Variants in STAB2 observed in about 807,000 individuals in gnomAD.
STAB2 encodes stabilin 2.
Under a neutral mutation model 338.1 loss-of-function variants are expected in STAB2, and 288 were observed. The observed-to-expected ratio is 0.85, with a 90% CI of 0.77 to 0.94. STAB2 has a LOEUF of 0.94. Ranked by LOEUF, STAB2 falls within the 40% of genes least tolerant of loss-of-function variation. The pLI, the probability that STAB2 is intolerant of heterozygous loss-of-function variation, is 0.00. For missense variants in STAB2, 3,141 were observed against 3,210.1 expected (o/e 0.98, Z 0.52); for synonymous variants, 1,202 against 1,193.3 (o/e 1.01, Z -0.15).
Position 103,666,285 on chromosome 12 carries a change from C to G in STAB2, c.2023-6C>G, listed in dbSNP as rs1875091945. 1 of 1,613,842 alleles carries G rather than the reference C, an allele frequency of 6.2e-7. No homozygotes were observed. Among genetic ancestry groups the G allele is most frequent in the Admixed American group, 1.7e-5 (1 of 60,008 alleles). On this transcript the variant is annotated splice_region_variant and splice_polypyrimidine_tract_variant and intron_variant, in intron 18 of 68. Transcript: ENST00000388887. Reference sequence around the variant, plus strand: ...ACCTGCACTGACCTCCTGTCTCTCCCTCCAGGGCACTTGTGTGAGCTGTTC... The same window carrying G: ...ACCTGCACTGACCTCCTGTCTCTCCGTCCAGGGCACTTGTGTGAGCTGTTC...
chr12:103,765,822 G>A (rs542643523), intron 68 of STAB2, among the ~76,000 whole-genome samples: 78 of 152,284 alleles, frequency 5.1e-4, no homozygotes, highest in Non-Finnish European at 8.2e-4. Flanking sequence ...GATTACAGGC[G>A]CGAGCCACCA....
chr12:103,681,704 C>T (rs373104646), intron 25 of STAB2, among the ~76,000 whole-genome samples: 21 of 149,738 alleles, frequency 1.4e-4, no homozygotes, highest in East Asian at 1.2e-3. Flanking sequence ...TCACTACAAC[C>T]TCCACCTCCC....
chr12:103,726,867 A>G (rs1881247951), intron 46 of STAB2, among the ~76,000 whole-genome samples: 1 of 152,216 alleles, frequency 6.6e-6, no homozygotes, highest in Non-Finnish European at 1.5e-5. Context: ...CAAGAAGACA[A>G]TTATAACAGT....
At chr12:103,765,207 C>T (rs1024566036) in intron 68 of STAB2, among the ~76,000 whole-genome samples, 1 of 151,986 alleles carries the variant, frequency 6.6e-6, no homozygotes, top group Admixed American at 6.6e-5. Flanking sequence ...TGCATACATC[C>T]TCTCCAATGC....
intron 15 of STAB2, among the ~76,000 whole-genome samples, chr12:103,658,397 A>G (rs1196456367): frequency 2.0e-5 from 3 of 152,198 alleles, no homozygotes; most frequent in African/African-American, 7.2e-5. Flanking sequence ...AATGGCTCCA[A>G]TAGATCTCAG....
chr12:103,712,822 G>A (rs1879988558), intron 41 of STAB2, among the ~76,000 whole-genome samples: 1 of 152,098 alleles, frequency 6.6e-6, no homozygotes, highest in Non-Finnish European at 1.5e-5. Flanking sequence ...ATTGGCCTAG[G>A]GTATGGCTGG....
In STAB2 at chr12:103,713,662, C is replaced by A; in HGVS notation, c.4431C>A (p.Ile1477=). The A allele has an allele frequency of 6.2e-7, 1 of 1,614,010 alleles. No individual in the cohort carries two copies. Among genetic ancestry groups the A allele is most frequent in the Non-Finnish European group, 8.5e-7 (1 of 1,179,900 alleles). The part of the protein sequence containing the change: ...TICTAINACE[I]SNGGCSAKAD... ...CTATAGCAATCAATGCCTGTGAGAT[C>A]AGCAATGGAGGTTGCTCTGCCAAGG... Residue 1477 remains isoleucine (I), a synonymous_variant, in exon 42 of 69, where the codon ATC becomes ATA. Coordinates refer to ENST00000388887, the MANE Select transcript of STAB2 (RefSeq NM_017564.10).
intron 3 of STAB2, among the ~76,000 whole-genome samples, chr12:103,598,880 T>C (rs1458602834): frequency 6.6e-6 from 1 of 152,190 alleles, no homozygotes; most frequent in African/African-American, 2.4e-5. Flanking sequence ...GATAAGTCCC[T>C]ATCCCCAAGG....
chr12:103,615,340 A>G (rs1446235609), intron 3 of STAB2, among the ~76,000 whole-genome samples: 1 of 152,200 alleles, frequency 6.6e-6, no homozygotes, highest in African/African-American at 2.4e-5. Flanking sequence ...CTTGTGAACA[A>G]GAGAGGGAGT....
chr12:103,655,426 C>T (rs776715345), intron 14 of STAB2, 30 bp from the exon 15 acceptor site: 15 of 1,612,740 alleles, frequency 9.3e-6, no homozygotes, highest in Non-Finnish European at 1.3e-5. Flanking sequence ...AGGTAGGCTG[C>T]AGATACAAAA....
intron 3 of STAB2, among the ~76,000 whole-genome samples, chr12:103,612,689 C>A (rs192388350): frequency 2.6e-5 from 4 of 152,336 alleles, no homozygotes; most frequent in Admixed American, 6.5e-5. Context: ...CTCAACTCGT[C>A]AAAGTCATTC....
chr12:103,605,341 TC>T (rs138679572), intron 3 of STAB2, among the ~76,000 whole-genome samples: 48,818 of 151,732 alleles, frequency 0.32, 10,010 homozygotes, highest in African/African-American at 0.58. Flanking sequence ...CTACAATATC[TC>T]CTGTCTTTGC....
intron 60 of STAB2, among the ~76,000 whole-genome samples, chr12:103,751,482 G>T (rs977731378): frequency 3.3e-5 from 5 of 152,200 alleles, no homozygotes; most frequent in African/African-American, 1.2e-4. Flanking sequence ...TGCAGTGGTG[G>T]TGCTGGGTTA....
At chr12:103,593,364 G>A (rs181551968) in intron 2 of STAB2, among the ~76,000 whole-genome samples, 10 of 152,114 alleles carry the variant, frequency 6.6e-5, no homozygotes, top group Admixed American at 1.3e-4. Context: ...AATAACCATC[G>A]TAATAGTTGT....
chr12:103,667,216 C>A (rs1183665649), intron 19 of STAB2, among the ~76,000 whole-genome samples: 1 of 152,098 alleles, frequency 6.6e-6, no homozygotes, highest in Non-Finnish European at 1.5e-5. Flanking sequence ...TGCAGGTGTT[C>A]AGATATTTAT....
chr12:103,655,686 G>A (rs954037008), intron 15 of STAB2, 105 bp downstream of exon 15: 73 of 1,403,208 alleles, frequency 5.2e-5, no homozygotes, highest in Non-Finnish European at 6.8e-5. Context: ...AGTTGTACAT[G>A]TATCACCACC....
rs1338046490 is a variant in STAB2 at position 103,699,190 on chromosome 12, TCTC to T, written c.3680_3682del (p.Ser1227del). The T allele has an allele frequency of 6.2e-7, 1 of 1,613,220 alleles. No homozygotes were observed. Among genetic ancestry groups the T allele is most frequent in the Non-Finnish European group, 8.5e-7 (1 of 1,179,358 alleles). On this transcript the variant is annotated inframe_deletion, in exon 34 of 69. Coordinates refer to ENST00000388887, the MANE Select transcript of STAB2 (RefSeq NM_017564.10). ...ATGCATCGTGAGACCATGCTGGGTT[TCTC>T]CTATTTCCTTAGCTTCTTTCTCCAT...
chr12:103,713,284 C>T (rs1880030486), intron 41 of STAB2, among the ~76,000 whole-genome samples: 1 of 152,134 alleles, frequency 6.6e-6, no homozygotes, highest in Non-Finnish European at 1.5e-5. Flanking sequence ...TCATTTTTCT[C>T]TTGAGCACTG....
At chr12:103,641,592 C>T (rs1447153284) in intron 9 of STAB2, among the ~76,000 whole-genome samples, 3 of 152,160 alleles carry the variant, frequency 2.0e-5, no homozygotes, top group African/African-American at 4.8e-5. Context: ...TATATTCTGG[C>T]AATACTGAGA....
Sources: gnomAD v4.1 joint callset for allele counts (sites outside exome capture counted in the v4.1 genomes callset) on GRCh38, gnomAD v4.1.1 for gene constraint, MANE v1.5 for transcripts, NCBI Gene and HGNC (gene_info 2026-07-23, HGNC 2026-07-21) for gene names.